ZNF385D: variants seen among roughly 807,000 people sequenced by gnomAD.
The protein encoded by ZNF385D is zinc finger protein 659.
In ZNF385D, 15 loss-of-function variants were observed where a neutral mutation model predicts 35.8. That is an observed-to-expected ratio of 0.42 (90% CI 0.28 to 0.64). The LOEUF is 0.64. Ranked by LOEUF, ZNF385D falls within the 30% of genes least tolerant of loss-of-function variation. The pLI, the probability that ZNF385D is intolerant of heterozygous loss-of-function variation, is 0.23. For synonymous variants in ZNF385D, 212 were observed against 186.8 expected (o/e 1.13, Z -1.10); for missense variants, 474 against 494.6 (o/e 0.96, Z 0.39).
intron 4 of ZNF385D, among the ~76,000 whole-genome samples, chr3:21,496,653 C>G (rs2125423906): frequency 6.7e-6 from 1 of 150,356 alleles, no homozygotes; most frequent in African/African-American, 2.4e-5. Flanking sequence ...AAGTCCTCAA[C>G]AAAATACTAG....
intron 2 of ZNF385D, among the ~76,000 whole-genome samples, chr3:22,288,304 G>C (rs1702129277): frequency 3.3e-5 from 5 of 152,102 alleles, no homozygotes; most frequent in Non-Finnish European, 7.4e-5. Context: ...GTCTTGGCAA[G>C]TATTATGCCA....
At position 21,552,147 on chromosome 3, in the gene ZNF385D, A is replaced by G. The variant is rs9833767; in HGVS notation, c.276+12427T>C. Among the ~76,000 whole-genome samples the G allele has an allele frequency of 4.0e-3, 613 of 152,340 alleles. 5 individuals carry two copies. The highest frequency in any genetic ancestry group is 0.014 in the African/African-American group (569 of 41,588). On this transcript the variant is annotated intron_variant, in intron 3 of 7. Transcript: ENST00000281523. ...TTTAAAAATGGAAACAGAAAGATAA[A>G]TTCCAGATTTACCTGGAAACAACAA...
chr3:22,162,198 A>G (rs1706002360), intron 3 of ZNF385D, among the ~76,000 whole-genome samples: 1 of 152,196 alleles, frequency 6.6e-6, no homozygotes, highest in African/African-American at 2.4e-5. Flanking sequence ...CACATTGTGC[A>G]TATTTCTTAC....
At chr3:21,653,231 C>G (rs990012038) in intron 2 of ZNF385D, among the ~76,000 whole-genome samples, 1 of 152,082 alleles carries the variant, frequency 6.6e-6, no homozygotes, top group Non-Finnish European at 1.5e-5. Context: ...ATAATTCTTT[C>G]ATTCCAGTTG....
intron 3 of ZNF385D, among the ~76,000 whole-genome samples, chr3:22,156,066 T>A (rs1420542435): frequency 6.6e-6 from 1 of 152,070 alleles, no homozygotes; most frequent in African/African-American, 2.4e-5. Context: ...AACACATATG[T>A]GACTTGTATG....
chr3:21,978,372 G>C (rs1004818871), intron 3 of ZNF385D: 3 of 152,116 alleles, frequency 2.0e-5, no homozygotes, highest in African/African-American at 4.8e-5. Context: ...CCAATATTGT[G>C]GAATATTAGA....
chr3:21,761,207 G>A (rs956882470), intron 3 of ZNF385D, among the ~76,000 whole-genome samples: 2 of 152,148 alleles, frequency 1.3e-5, no homozygotes, highest in African/African-American at 4.8e-5. Context: ...CACACCTGCA[G>A]CCATGATCGA....
chr3:21,635,518 G>C (rs1032622827), intron 2 of ZNF385D, among the ~76,000 whole-genome samples: 1 of 151,214 alleles, frequency 6.6e-6, no homozygotes, highest in African/African-American at 2.4e-5. Flanking sequence ...AGGCAATGTA[G>C]TTCCAGAGTC....
intron 2 of ZNF385D, among the ~76,000 whole-genome samples, chr3:21,630,771 T>A (rs2065258018): frequency 1.3e-5 from 2 of 152,130 alleles, no homozygotes; most frequent in Admixed American, 6.6e-5. Flanking sequence ...CATCATAATA[T>A]CCATCACTAA....
chr3:22,015,448 T>C (rs958302), intron 3 of ZNF385D, among the ~76,000 whole-genome samples: 30,985 of 152,042 alleles, frequency 0.2, 4,109 homozygotes, highest in East Asian at 0.54. Flanking sequence ...TCTCCTTCCT[T>C]GCCACCATCC....
At chr3:21,692,993 A>G (rs76989974) in intron 1 of ZNF385D, among the ~76,000 whole-genome samples, 1,683 of 152,232 alleles carry the variant, frequency 0.011, 29 homozygotes, top group African/African-American at 0.038. Context: ...TTGGACATTT[A>G]TTGTGAGTTC....
chr3:21,421,131 T>A lies in ZNF385D; in HGVS notation c.*83A>T, dbSNP rs1251847918. The stretch of plus-strand genomic sequence containing the variant: ...CTTCAGATATACTTTAAACTATAAA[T>A]AAACACTGCATAGTTCTCTTTTGTT... On this transcript the variant is annotated 3_prime_UTR_variant, in exon 8 of 8. Coordinates refer to ENST00000281523, the MANE Select transcript of ZNF385D (RefSeq NM_024697.3). 2 of 902,814 alleles carry A rather than the reference T, an allele frequency of 2.2e-6. No homozygotes were observed. The highest frequency in any genetic ancestry group is 5.3e-5 in the East Asian group (1 of 18,862). The allele number at this position is 902,814 out of a possible 1,614,324, so 55.9% of individuals were successfully genotyped here. A position where few individuals can be genotyped will look rare whatever the true frequency, so the allele number is the denominator to read the frequency against.
intron 3 of ZNF385D, among the ~76,000 whole-genome samples, chr3:22,028,018 G>T (rs1433492343): frequency 1.3e-5 from 2 of 152,252 alleles, no homozygotes. Flanking sequence ...AGTGCACCTG[G>T]TTGCTCACTC....
chr3:21,610,011 T>A (rs1472923673), intron 2 of ZNF385D, among the ~76,000 whole-genome samples: 1 of 152,200 alleles, frequency 6.6e-6, no homozygotes, highest in Admixed American at 6.5e-5. Context: ...CTTGTATTTC[T>A]GTCACTTCTA....
At chr3:22,009,498 C>T (rs1696431634) in intron 3 of ZNF385D, among the ~76,000 whole-genome samples, 2 of 151,620 alleles carry the variant, frequency 1.3e-5, no homozygotes, top group African/African-American at 4.8e-5. Flanking sequence ...TGTCGGGTGC[C>T]TATAGTCCCA....
At chr3:21,498,183 G>A (rs1706064694) in intron 4 of ZNF385D, among the ~76,000 whole-genome samples, 1 of 152,070 alleles carries the variant, frequency 6.6e-6, no homozygotes, top group Non-Finnish European at 1.5e-5. Flanking sequence ...GATTGAAATT[G>A]GATATTTTCC....
chr3:21,656,700 G>C (rs943939283), intron 2 of ZNF385D, among the ~76,000 whole-genome samples: 1 of 151,864 alleles, frequency 6.6e-6, no homozygotes, highest in African/African-American at 2.4e-5. Context: ...ATGAGAAGTA[G>C]ATGTCAGGAG....
intron 3 of ZNF385D, among the ~76,000 whole-genome samples, chr3:21,871,094 C>T (rs1186362218): frequency 1.3e-5 from 2 of 152,054 alleles, no homozygotes; most frequent in Admixed American, 1.3e-4. Flanking sequence ...AACTCTGTGA[C>T]CTCATCTCTC....
intron 3 of ZNF385D, among the ~76,000 whole-genome samples, chr3:21,819,146 T>C (rs557816057): frequency 6.6e-6 from 1 of 151,608 alleles, no homozygotes; most frequent in Non-Finnish European, 1.5e-5. Context: ...CTAAAAATAG[T>C]CATGAAATGG....
Sources: gnomAD v4.1 joint callset for allele counts (sites outside exome capture counted in the v4.1 genomes callset) on GRCh38, gnomAD v4.1.1 for gene constraint, MANE v1.5 for transcripts, NCBI Gene and HGNC (gene_info 2026-07-23, HGNC 2026-07-21) for gene names.